Variants in LRP3 observed in about 807,000 individuals in gnomAD.
LRP3 encodes the protein low-density lipoprotein receptor-related protein 3.
Under a neutral mutation model 58.5 loss-of-function variants are expected in LRP3, and 49 were observed. The ratio of observed to expected loss-of-function variants is 0.84; its 90% CI spans 0.67 to 1.06. The LOEUF is 1.06. Ranked by LOEUF, LRP3 falls within the 50% of genes least tolerant of loss-of-function variation. The pLI is 0.00. For synonymous variants in LRP3, 485 were observed against 492.2 expected (o/e 0.99, Z 0.20); for missense variants, 1,019 against 1,134.2 (o/e 0.90, Z 1.46).
chr19:33,195,449 G>A (rs889702352), intron 1 of LRP3, among the ~76,000 whole-genome samples: 15 of 152,220 alleles, frequency 9.9e-5, no homozygotes, highest in Non-Finnish European at 2.1e-4. Flanking sequence ...AGGGGCTCCC[G>A]CCCTGTCCGG....
intron 3 of LRP3, chr19:33,203,746 G>C (rs895823256): frequency 2.0e-5 from 3 of 152,348 alleles, no homozygotes; most frequent in African/African-American, 4.8e-5. Flanking sequence ...TGATGTCTCT[G>C]AGGTGGCAGA....
Position 33,206,593 on chromosome 19 carries a change from G to A in LRP3, c.1593-8G>A. The A allele has an allele frequency of 6.2e-7, 1 of 1,606,592 alleles. No individual in the cohort carries two copies. The highest frequency in any genetic ancestry group is 8.5e-7 in the Non-Finnish European group (1 of 1,176,108). On this transcript the variant is annotated splice_region_variant and splice_polypyrimidine_tract_variant and intron_variant, in intron 5 of 6. Transcript: ENST00000253193. ...CCAGTCATGTCGCCCTCCGCCCACT[G>A]CTTCTAGGGCCTTCGAGACCCAGAT...
Position 33,194,572 on chromosome 19 carries a change from C to G in LRP3, c.-214C>G, listed in dbSNP as rs1449485937. ...GCCCGTGACGCCGCGGCCGATGTGGCCGCGCGCGCCCTACGGGCCTGCACC... is the reference window on the plus strand; with the variant it reads ...GCCCGTGACGCCGCGGCCGATGTGGGCGCGCGCGCCCTACGGGCCTGCACC... On this transcript the variant is annotated 5_prime_UTR_variant, in exon 1 of 7. Coordinates refer to ENST00000253193, the MANE Select transcript of LRP3 (RefSeq NM_002333.4). 2 of 147,584 alleles carry G rather than the reference C, an allele frequency of 1.4e-5. No individual in the cohort carries two copies. The highest frequency in any genetic ancestry group is 4.9e-5 in the African/African-American group (2 of 40,646). The allele number at this position is 147,584 out of a possible 1,614,324, so 9.1% of individuals were successfully genotyped here. A position where few individuals can be genotyped will look rare whatever the true frequency, so the allele number is the denominator to read the frequency against.
rs1476745452 is a variant in LRP3, at chr19:33,194,818, C to T, written c.33C>T (p.Gly11=). Residue 11 remains glycine, a synonymous_variant, in exon 1 of 7, where the codon GGC becomes GGT. Coordinates refer to ENST00000253193, the MANE Select transcript of LRP3 (RefSeq NM_002333.4). The stretch of plus-strand genomic sequence containing the variant: ...AGCGCGCGGCCGCGGGGCTGGAGGG[C>T]GCGCCGGGCGCCCGGGCGCAGCTGG... MEKRAAAGLE[G]APGARAQLAV... is the part of the protein sequence containing the mutation. 4 of 1,084,272 alleles carry T rather than the reference C, an allele frequency of 3.7e-6. No homozygotes were observed. Among genetic ancestry groups the T allele is most frequent in the South Asian group, 4.3e-5 (1 of 23,130 alleles). 67.2% of individuals were successfully genotyped at this position (1,084,272 alleles called of 1,614,324 possible).
intron 3 of LRP3, 44 bp downstream of exon 3, chr19:33,203,030 C>G: frequency 1.2e-6 from 2 of 1,600,190 alleles, no homozygotes; most frequent in Non-Finnish European, 1.7e-6. Flanking sequence ...TGTGGGCCCA[C>G]GTGCATGGGG....
chr19:33,208,659 C>G lies in LRP3; in HGVS notation c.*1084C>G. The G allele has an allele frequency of 1.7e-6, 1 of 590,390 alleles. No homozygotes were observed. Among genetic ancestry groups the G allele is most frequent in the Non-Finnish European group, 3.0e-6 (1 of 338,278 alleles). The allele number at this position is 590,390 out of a possible 1,614,324, so 36.6% of individuals were successfully genotyped here. On this transcript the variant is annotated 3_prime_UTR_variant, in exon 7 of 7. Transcript: ENST00000253193. This position sits in a 1 kb window ranked among gnomAD's most constrained non-coding sequence, Gnocchi z 4.7. ...TGCCCATCAGGGACTCCCCATAGCA[C>G]GAGCGAACAGCCAGCCCTGTTTATT...
At position 33,207,066 on chromosome 19, in the gene LRP3, C is replaced by G; in HGVS notation, c.1804C>G (p.Arg602Gly). ...RHASRRGPSR[R>G]RLGRLWNRLF... ...CGCCTCCCGCCGGGGGCCCTCCCGC[C>G]GCCGCCTCGGCCGCCTCTGGAACCG... Residue 602 changes from arginine to glycine, a missense_variant, in exon 7 of 7, where the codon CGC becomes GGC. By Grantham distance (125) the Arg-to-Gly change is moderately radical. Around this residue, in one of 2 missense-constraint regions of LRP3, gnomAD observed 427 missense variants for 408.6 expected, o/e 1.04. Transcript: ENST00000253193. 6.0e-6 allele frequency: 9 copies of G among 1,493,140 alleles called. No homozygotes were observed. Among genetic ancestry groups the G allele is most frequent in the Non-Finnish European group, 8.0e-6 (9 of 1,127,268 alleles). 92.5% of individuals were successfully genotyped at this position (1,493,140 alleles called of 1,614,324 possible).
Position 33,207,403 on chromosome 19 carries a change from C to T in LRP3, c.2141C>T (p.Ala714Val), listed in dbSNP as rs1448066433. The change falls in exon 7 of 7, where the codon GCA (alanine) becomes GTA (valine). Residue 714 changes from alanine to valine, a missense_variant. Around this residue, in one of 2 missense-constraint regions of LRP3, gnomAD observed 427 missense variants for 408.6 expected, o/e 1.04. Transcript: ENST00000253193. ...REPLVDGPAP[A>V]DAPREPCSAQ... ...CCACTGGTAGACGGCCCAGCTCCTG[C>T]AGATGCACCTCGGGAGCCCTGCTCA... 3.8e-6 allele frequency: 6 copies of T among 1,589,042 alleles called. No homozygotes were observed. The highest frequency in any genetic ancestry group is 5.1e-6 in the Non-Finnish European group (6 of 1,172,958).
chr19:33,204,625 C>CT lies in LRP3; in HGVS notation c.261-13_261-12insT. The CT allele has an allele frequency of 6.3e-7, 1 of 1,589,532 alleles. No homozygotes were observed. Among genetic ancestry groups the CT allele is most frequent in the Non-Finnish European group, 8.6e-7 (1 of 1,168,012 alleles). On this transcript the variant is annotated splice_polypyrimidine_tract_variant and intron_variant, in intron 3 of 6. Coordinates refer to ENST00000253193, the MANE Select transcript of LRP3 (RefSeq NM_002333.4). ...TACTGCCTCATGTCTGGGTCCTCTC[C>CT]GCCCCCCCGCAGCTTCCGCAACTTT...
At chr19:33,201,841 C>A (rs1372223871) in intron 2 of LRP3, among the ~76,000 whole-genome samples, 1 of 152,162 alleles carries the variant, frequency 6.6e-6, no homozygotes, top group Non-Finnish European at 1.5e-5. Context: ...GGCAGGCTCA[C>A]CACACTGCCC....
chr19:33,207,104 G>T lies in LRP3; in HGVS notation c.1842G>T (p.Arg614=). 6.6e-7 allele frequency: 1 copy of T among 1,525,662 alleles called. No individual in the cohort carries two copies. 94.5% of individuals were successfully genotyped at this position (1,525,662 alleles called of 1,614,324 possible). Residue 614 remains arginine (R), a synonymous_variant, in exon 7 of 7, where the codon CGG becomes CGT. Coordinates refer to ENST00000253193, the MANE Select transcript of LRP3 (RefSeq NM_002333.4). ...GCCTCTGGAACCGGCTCTTTCACCG[G>T]CCGCGGGCGCCCCGAGGCCAGATCC... ...LGRLWNRLFH[R]PRAPRGQIPL...
Position 33,208,820 on chromosome 19 carries a change from T to C in LRP3, c.*1245T>C. ...TTTCCAGAAAAAAACAAAACAAAAC[T>C]TTTTTGCCAAAACACCTCCTCAATA... On this transcript the variant is annotated 3_prime_UTR_variant, in exon 7 of 7. Coordinates refer to ENST00000253193, the MANE Select transcript of LRP3 (RefSeq NM_002333.4). The surrounding 1 kb of genome is among the most constrained non-coding windows in gnomAD (Gnocchi z 4.7). The C allele has an allele frequency of 3.7e-6, 6 of 1,601,862 alleles. No individual in the cohort carries two copies. The highest frequency in any genetic ancestry group is 5.1e-6 in the Non-Finnish European group (6 of 1,172,680).
Position 33,205,264 on chromosome 19 carries a change from C to T in LRP3, c.494C>T (p.Ser165Phe). ...SYIRGKLGQASCQADEFRCDN... is the reference protein window; with the variant it reads ...SYIRGKLGQAFCQADEFRCDN... ...CCCACAGGGAAGCTGGGCCAGGCAT[C>T]CTGCCAGGCAGATGAGTTCCGCTGT... The change falls in exon 5 of 7, where the codon TCC becomes TTC. Residue 165 changes from serine (S) to phenylalanine (F), a missense_variant. By Grantham distance (155) the Ser-to-Phe change is radical. Transcript: ENST00000253193. 1 of 1,609,310 alleles carries T rather than the reference C, an allele frequency of 6.2e-7. No homozygotes were observed. Among genetic ancestry groups the T allele is most frequent in the Non-Finnish European group, 8.5e-7 (1 of 1,178,376 alleles).
intron 6 of LRP3, 35 bp from the exon 7 acceptor site, chr19:33,206,953 G>T (rs145303993): frequency 7.2e-6 from 10 of 1,388,824 alleles, no homozygotes; most frequent in Non-Finnish European, 8.5e-6. Context: ...CCCCTCAGCC[G>T]CATCCCCCCG....
At position 33,194,382 on chromosome 19, in the gene LRP3, A is replaced by G. The variant is rs1283547834; in HGVS notation, c.-404A>G. On this transcript the variant is annotated 5_prime_UTR_variant, in exon 1 of 7. Transcript: ENST00000253193. ...GCACCCGGCCGGGCGGGCTGGGCGC[A>G]GCGCGGGGCGGCCCGGGGACGCCGG... Among the ~76,000 whole-genome samples the G allele has an allele frequency of 7.0e-6, 1 of 143,362 alleles. No homozygotes were observed. The highest frequency in any genetic ancestry group is 2.5e-5 in the African/African-American group (1 of 39,882). 94.1% of individuals were successfully genotyped at this position (143,362 alleles called of 152,430 possible).
intron 1 of LRP3, among the ~76,000 whole-genome samples, chr19:33,195,506 G>A (rs1974276686): frequency 6.6e-6 from 1 of 152,170 alleles, no homozygotes; most frequent in African/African-American, 2.4e-5. Flanking sequence ...GCGAGAGGAG[G>A]AGTTAAATCC....
chr19:33,195,998 C>G (rs995582888), intron 1 of LRP3, among the ~76,000 whole-genome samples: 14 of 150,212 alleles, frequency 9.3e-5, no homozygotes, highest in Non-Finnish European at 2.1e-4. Context: ...TGGGTTTCCC[C>G]CCACCCCCCG....
In LRP3 at chr19:33,207,273, C is replaced by T; in HGVS notation, c.2011C>T (p.Pro671Ser). 5 of 1,554,326 alleles carry T rather than the reference C, an allele frequency of 3.2e-6. No individual in the cohort carries two copies. Among genetic ancestry groups the T allele is most frequent in the Non-Finnish European group, 4.3e-6 (5 of 1,157,678 alleles). The stretch of plus-strand genomic sequence containing the variant: ...GGCCGGAGACAGGCCCCCCAGTGCC[C>T]CCGGCCGTGCACCGGAGGTGGGACC... ...RAAGDRPPSA[P>S]GRAPEVGPSG... Residue 671 changes from proline to serine, a missense_variant, in exon 7 of 7, where the codon CCC becomes TCC. This residue lies in a region of LRP3 where 427 missense variants were observed against 408.6 expected (regional missense o/e 1.04). Coordinates refer to ENST00000253193, the MANE Select transcript of LRP3 (RefSeq NM_002333.4).
At chr19:33,204,989 A>G in intron 4 of LRP3, 137 bp downstream of exon 4, 5 of 842,626 alleles carry the variant, frequency 5.9e-6, no homozygotes. Context: ...TGTCAATCTC[A>G]GGACAGTGGC....
Sources: gnomAD v4.1 joint callset for allele counts (sites outside exome capture counted in the v4.1 genomes callset) on GRCh38, gnomAD v4.1.1 for gene constraint, gnomAD v4.1.1 regional missense constraint, Gnocchi (gnomAD v3.1) non-coding constraint, MANE v1.5 for transcripts, NCBI Gene and HGNC (gene_info 2026-07-23, HGNC 2026-07-21) for gene names.